OXR1: variants seen among roughly 807,000 people sequenced by gnomAD.
The protein encoded by OXR1 is oxidation resistance 1.
A neutral mutation model predicts 104.6 loss-of-function variants in OXR1; 41 were observed. The ratio of observed to expected loss-of-function variants is 0.39; its 90% CI spans 0.31 to 0.51. The LOEUF (loss-of-function observed/expected upper bound fraction) is 0.51. Among genes scored for constraint, OXR1 ranks in the 20% least tolerant of loss-of-function variants. OXR1 has a pLI of 0.77. For synonymous variants in OXR1, 348 were observed against 348.4 expected (o/e 1.00, Z 0.01); for missense variants, 955 against 1,031.9 (o/e 0.93, Z 1.02).
chr8:106,561,020 C>G (rs1048848828), intron 3 of OXR1, among the ~76,000 whole-genome samples: 1 of 152,148 alleles, frequency 6.6e-6, no homozygotes, highest in Non-Finnish European at 1.5e-5. Context: ...ACCCACAGAC[C>G]AGGAGATTAC....
chr8:106,503,628 C>T lies in OXR1; in HGVS notation c.24-15315C>T, dbSNP rs530497756. Among the ~76,000 whole-genome samples the T allele has an allele frequency of 1.3e-3, 191 of 152,158 alleles. 1 individual carries two copies. Among genetic ancestry groups the T allele is most frequent in the Middle Eastern group, 3.4e-3 (1 of 294 alleles). Reference sequence around the variant, plus strand: ...AATGGCTTAGACTTTGAGTCAAATACGAGAAATGAAAAGGGGGAGAGACTA... The same window carrying T: ...AATGGCTTAGACTTTGAGTCAAATATGAGAAATGAAAAGGGGGAGAGACTA... On this transcript the variant is annotated intron_variant, in intron 2 of 16. Coordinates refer to ENST00000517566, the MANE Select transcript of OXR1 (RefSeq NM_001198533.2).
In OXR1 at chr8:106,679,198, T is replaced by G; in HGVS notation, c.221-12T>G. On this transcript the variant is annotated splice_polypyrimidine_tract_variant and intron_variant, in intron 3 of 16. Coordinates refer to ENST00000517566, the MANE Select transcript of OXR1 (RefSeq NM_001198533.2). ...AGATGAATTTAATAGGAATTTTGCCTTTTTTTCCCAGACACTGGCCAAAAG... is the reference window on the plus strand; with the variant it reads ...AGATGAATTTAATAGGAATTTTGCCGTTTTTTCCCAGACACTGGCCAAAAG... The G allele has an allele frequency of 6.4e-7, 1 of 1,565,158 alleles. No homozygotes were observed. The highest frequency in any genetic ancestry group is 1.7e-5 in the Admixed American group (1 of 57,302).
intron 2 of OXR1, among the ~76,000 whole-genome samples, chr8:106,513,674 AT>A (rs1220958205): frequency 2.0e-5 from 3 of 152,198 alleles, no homozygotes; most frequent in African/African-American, 7.2e-5. Context: ...TGAGAAGCGG[AT>A]ATAATTTCCT....
intron 11 of OXR1, among the ~76,000 whole-genome samples, chr8:106,721,343 T>G (rs1832806809): frequency 6.6e-6 from 1 of 152,160 alleles, no homozygotes; most frequent in South Asian, 2.1e-4. Context: ...CCTAGGATGA[T>G]AAATAAAAAC....
intron 3 of OXR1, among the ~76,000 whole-genome samples, chr8:106,558,045 T>G (rs1816412188): frequency 6.6e-6 from 1 of 152,204 alleles, no homozygotes; most frequent in African/African-American, 2.4e-5. Context: ...GCTTTACCAC[T>G]GAGTAGATTT....
chr8:106,601,709 T>C lies in OXR1; in HGVS notation c.221-77501T>C, dbSNP rs571504436. ...CTGGTGTGCATTCCCTGGGTACTCTTTTCCTCCTGCCTATGGGAATGTGAA... is the reference window on the plus strand; with the variant it reads ...CTGGTGTGCATTCCCTGGGTACTCTCTTCCTCCTGCCTATGGGAATGTGAA... On this transcript the variant is annotated intron_variant, in intron 3 of 16. Transcript: ENST00000517566. Among the ~76,000 whole-genome samples, 6 of 152,338 alleles carry C rather than the reference T, an allele frequency of 3.9e-5. No individual in the cohort carries two copies. The East Asian group carries it at 1.2e-3, about 29-fold the overall frequency.
chr8:106,588,276 T>A (rs907840886), intron 3 of OXR1, among the ~76,000 whole-genome samples: 8 of 151,380 alleles, frequency 5.3e-5, no homozygotes, highest in African/African-American at 1.5e-4. Context: ...TTTTTTTTTT[T>A]AAATAGAAGA....
chr8:106,376,313 GC>G (rs1388563602), intron 2 of OXR1, among the ~76,000 whole-genome samples: 2 of 151,730 alleles, frequency 1.3e-5, no homozygotes, highest in Non-Finnish European at 2.9e-5. Flanking sequence ...GTCCTTTTTT[GC>G]CCTTTCTAAC....
intron 1 of OXR1, among the ~76,000 whole-genome samples, chr8:106,323,525 C>G (rs987631835): frequency 6.6e-6 from 1 of 152,086 alleles, no homozygotes; most frequent in African/African-American, 2.4e-5. Context: ...TTTAATTAAA[C>G]TTAAGAGCTT....
intron 15 of OXR1, among the ~76,000 whole-genome samples, chr8:106,742,691 A>G (rs1013108555): frequency 3.1e-4 from 47 of 152,326 alleles, no homozygotes; most frequent in South Asian, 1.5e-3. Flanking sequence ...AAAATAAGCA[A>G]TAGGGAAAGG....
At chr8:106,312,794 A>G (rs1246762877) in intron 1 of OXR1, among the ~76,000 whole-genome samples, 1 of 152,222 alleles carries the variant, frequency 6.6e-6, no homozygotes, top group East Asian at 1.9e-4. Flanking sequence ...TAATACAGTC[A>G]TCAGCTAACT....
intron 11 of OXR1, among the ~76,000 whole-genome samples, chr8:106,733,058 A>G (rs1834042261): frequency 6.6e-6 from 1 of 152,094 alleles, no homozygotes; most frequent in South Asian, 2.1e-4. Flanking sequence ...TTAAATACAT[A>G]TCTTTCTTTC....
At chr8:106,680,860 G>A (rs575366119) in intron 4 of OXR1, among the ~76,000 whole-genome samples, 32 of 151,616 alleles carry the variant, frequency 2.1e-4, no homozygotes, top group Non-Finnish European at 3.5e-4. Context: ...TCTCATTTCC[G>A]TTCCCTTTCA....
In OXR1 at chr8:106,328,054, ACTGT is replaced by A. The variant is rs985289634; in HGVS notation, c.-138-31417_-138-31414del. Among the ~76,000 whole-genome samples the A allele has an allele frequency of 4.3e-4, 65 of 152,292 alleles. 1 individual carries two copies. Among genetic ancestry groups the A allele is most frequent in the African/African-American group, 1.5e-3 (62 of 41,566 alleles). On this transcript the variant is annotated intron_variant, in intron 1 of 16. Coordinates refer to ENST00000517566, the MANE Select transcript of OXR1 (RefSeq NM_001198533.2). Reference sequence around the variant, plus strand: ...TTCAAATGATATCACTAGGATGCTGACTGTCTGTGCATTTCTCTCACTTCACTAA... The same window carrying A: ...TTCAAATGATATCACTAGGATGCTGACTGTGCATTTCTCTCACTTCACTAA...
At chr8:106,300,548 T>C (rs958723453) in intron 1 of OXR1, among the ~76,000 whole-genome samples, 36 of 152,048 alleles carry the variant, frequency 2.4e-4, no homozygotes, top group African/African-American at 8.4e-4. Context: ...ATGAATTAAT[T>C]CAACAAAATG....
At chr8:106,632,061 A>T (rs1822732483) in intron 3 of OXR1, among the ~76,000 whole-genome samples, 1 of 152,218 alleles carries the variant, frequency 6.6e-6, no homozygotes. Context: ...AAATGTCAAT[A>T]TGCTCGCTAA....
At chr8:106,476,667 T>C (rs1188744978) in intron 2 of OXR1, among the ~76,000 whole-genome samples, 1 of 151,992 alleles carries the variant, frequency 6.6e-6, no homozygotes, top group Non-Finnish European at 1.5e-5. Context: ...AGTGATTTTC[T>C]TAATGGCGTC....
At chr8:106,546,854 T>C (rs1815395874) in intron 3 of OXR1, among the ~76,000 whole-genome samples, 1 of 152,232 alleles carries the variant, frequency 6.6e-6, no homozygotes, top group Non-Finnish European at 1.5e-5. Flanking sequence ...AGTTTTTATT[T>C]TCCTTTCACA....
intron 3 of OXR1, among the ~76,000 whole-genome samples, chr8:106,520,245 C>T (rs1377778797): frequency 1.6e-5 from 2 of 126,116 alleles, no homozygotes; most frequent in Non-Finnish European, 3.3e-5. Flanking sequence ...TAGAAATGAT[C>T]ATCAGGAGAC....
Sources: allele counts gnomAD v4.1 joint callset (sites outside exome capture counted in the v4.1 genomes callset), GRCh38; gene constraint gnomAD v4.1.1; transcripts MANE v1.5; gene names NCBI Gene and HGNC (gene_info 2026-07-23, HGNC 2026-07-21).